Variants in GIMAP8 observed in about 807,000 individuals in gnomAD.
GIMAP8 encodes GTPase, IMAP family member 8, also known as GTPase IMAP family member 8.
A neutral mutation model predicts 35.6 loss-of-function variants in GIMAP8; 29 were observed. The observed-to-expected ratio is 0.81, with a 90% CI of 0.61 to 1.11. The LOEUF is 1.11. Ranked by LOEUF, GIMAP8 falls within the 50% of genes most tolerant of loss-of-function variation. The pLI, the probability that GIMAP8 is intolerant of heterozygous loss-of-function variation, is 0.00. For missense variants in GIMAP8, 811 were observed against 805.0 expected, an observed-to-expected ratio of 1.01 and a Z score of -0.09; for synonymous variants, 335 against 308.7, an observed-to-expected ratio of 1.09 and a Z score of -0.89.
At chr7:150,463,032 A>G (rs981674006) in intron 1 of GIMAP8, among the ~76,000 whole-genome samples, 1 of 152,052 alleles carries the variant, frequency 6.6e-6, no homozygotes, top group Admixed American at 6.5e-5. Flanking sequence ...TTATTCTTAA[A>G]AAAGTTTTTT....
At chr7:150,461,964 G>C (rs944485050) in intron 1 of GIMAP8, among the ~76,000 whole-genome samples, 1 of 152,264 alleles carries the variant, frequency 6.6e-6, no homozygotes, top group Admixed American at 6.5e-5. Context: ...AAAGGAGTCA[G>C]CAAAGGGTGG....
In GIMAP8 at chr7:150,467,006, T is replaced by C; in HGVS notation, c.308T>C (p.Ile103Thr). ...CATGCTCTGCTCTTGGTAATTGCCATCGGCCATTTCACAAGGGAGGATGAG... is the reference window on the plus strand; with the variant it reads ...CATGCTCTGCTCTTGGTAATTGCCACCGGCCATTTCACAAGGGAGGATGAG... ...SLHALLLVIA[I>T]GHFTREDEET... Residue 103 changes from isoleucine to threonine, a missense_variant, in exon 2 of 5, where the codon ATC (isoleucine) becomes ACC (threonine). Coordinates refer to ENST00000307271, the MANE Select transcript of GIMAP8 (RefSeq NM_175571.4). 1 of 1,614,208 alleles carries C rather than the reference T, an allele frequency of 6.2e-7. No individual in the cohort carries two copies. The highest frequency in any genetic ancestry group is 8.5e-7 in the Non-Finnish European group (1 of 1,180,008).
At chr7:150,467,448 A>G (rs936159090) in intron 2 of GIMAP8, 114 bp downstream of exon 2, 1 of 819,694 alleles carries the variant, frequency 1.2e-6, no homozygotes, top group African/African-American at 1.7e-5. Flanking sequence ...GTTTTGTTTA[A>G]TAAGATATTT....
Position 150,477,747 on chromosome 7 carries a change from A to G in GIMAP8, c.1965A>G (p.Lys655=), listed in dbSNP as rs1802273186. The stretch of plus-strand genomic sequence containing the variant: ...TCCAGGAAATGTCCCAAGCCGAAAA[A>G]CTCCTTAAAAATTTAATAGGTATTT... ...KNVQEMSQAE[K]LLKNLIGILQ is the part of the protein sequence containing the mutation. Residue 655 remains lysine, a synonymous_variant, in exon 5 of 5, where the codon AAA becomes AAG. Coordinates refer to ENST00000307271, the MANE Select transcript of GIMAP8 (RefSeq NM_175571.4). 6.2e-7 allele frequency: 1 copy of G among 1,612,328 alleles called. No homozygotes were observed. Among genetic ancestry groups the G allele is most frequent in the South Asian group, 1.1e-5 (1 of 90,972 alleles).
Position 150,477,796 on chromosome 7 carries a change from G to A in GIMAP8, c.*16G>A, listed in dbSNP as rs746028621. 22 of 1,597,674 alleles carry A rather than the reference G, an allele frequency of 1.4e-5. No homozygotes were observed. Among genetic ancestry groups the A allele is most frequent in the Non-Finnish European group, 1.5e-5 (17 of 1,170,100 alleles). ...TTTACAATAGGTAGCCGAAGTGCCT[G>A]GGGTCTCTTCAATTAGAGACACCCT... On this transcript the variant is annotated 3_prime_UTR_variant, in exon 5 of 5. Transcript: ENST00000307271.
At chr7:150,452,675 G>GATATATATATATATATATATATAT (rs373374121) in intron 1 of GIMAP8, among the ~76,000 whole-genome samples, 13 of 79,658 alleles carry the variant, frequency 1.6e-4, no homozygotes, top group African/African-American at 3.2e-4. Flanking sequence ...GTGTGTGTGA[G>GATATATATATATATATATATATAT]ATATATATAT....
chr7:150,463,946 G>A (rs1339084464), intron 1 of GIMAP8, among the ~76,000 whole-genome samples: 1 of 152,150 alleles, frequency 6.6e-6, no homozygotes, highest in Non-Finnish European at 1.5e-5. Flanking sequence ...AGCAGTGGTG[G>A]GCCAGCCCTT....
intron 1 of GIMAP8, among the ~76,000 whole-genome samples, chr7:150,453,711 T>C (rs933779440): frequency 6.6e-6 from 1 of 152,220 alleles, no homozygotes; most frequent in African/African-American, 2.4e-5. Context: ...GTCCTTATTC[T>C]CATGGAACTC....
intron 1 of GIMAP8, among the ~76,000 whole-genome samples, chr7:150,452,793 G>T (rs1801646628): frequency 6.7e-6 from 1 of 148,936 alleles, no homozygotes; most frequent in South Asian, 2.1e-4. Flanking sequence ...TCATCATGTT[G>T]ACCAGGCTGG....
intron 1 of GIMAP8, among the ~76,000 whole-genome samples, chr7:150,463,755 G>C (rs78908230): frequency 0.021 from 3,225 of 152,312 alleles, 99 homozygotes; most frequent in African/African-American, 0.07. Context: ...TGGTGACTAT[G>C]GGCTATGTGG....
At position 150,470,878 on chromosome 7, in the gene GIMAP8, A is replaced by G. The variant is rs1802075774; in HGVS notation, c.682+4A>G. The G allele has an allele frequency of 6.3e-7, 1 of 1,594,710 alleles. No homozygotes were observed. Among genetic ancestry groups the G allele is most frequent in the Non-Finnish European group, 8.6e-7 (1 of 1,163,218 alleles). ...CAAGAGGGAGACAAGCCACAGGGTAAGTTGATCTTTAAGAAACATTAAGCT... is the reference window on the plus strand; with the variant it reads ...CAAGAGGGAGACAAGCCACAGGGTAGGTTGATCTTTAAGAAACATTAAGCT... On this transcript the variant is annotated splice_donor_region_variant and intron_variant, in intron 3 of 4. Coordinates refer to ENST00000307271, the MANE Select transcript of GIMAP8 (RefSeq NM_175571.4).
chr7:150,472,755 T>C lies in GIMAP8; in HGVS notation c.683-1257T>C, dbSNP rs1481136684. Among the ~76,000 whole-genome samples the C allele has an allele frequency of 2.0e-5, 3 of 152,120 alleles. No homozygotes were observed. The highest frequency in any genetic ancestry group is 4.4e-5 in the Non-Finnish European group (3 of 68,018). On this transcript the variant is annotated intron_variant, in intron 3 of 4. Coordinates refer to ENST00000307271, the MANE Select transcript of GIMAP8 (RefSeq NM_175571.4). The surrounding 1 kb of genome is among the most constrained non-coding windows in gnomAD (Gnocchi z 4.1). Reference sequence around the variant, plus strand: ...TTCTCTTGAAGAAGTTATATTTGCATAGGAACCTGAGTAGCCAGCAGGAGA... The same window carrying C: ...TTCTCTTGAAGAAGTTATATTTGCACAGGAACCTGAGTAGCCAGCAGGAGA...
intron 1 of GIMAP8, among the ~76,000 whole-genome samples, chr7:150,460,470 C>T (rs2116593722): frequency 6.6e-6 from 1 of 152,342 alleles, no homozygotes; most frequent in East Asian, 1.9e-4. Flanking sequence ...TATAATTATA[C>T]TTGCCATATC....
At chr7:150,474,759 A>G in intron 4 of GIMAP8, 121 bp downstream of exon 4, 1 of 599,048 alleles carries the variant, frequency 1.7e-6, no homozygotes, top group Non-Finnish European at 2.6e-6. Flanking sequence ...GTTTTAGGGT[A>G]CATGTGCACA....
At chr7:150,461,726 T>C (rs996474012) in intron 1 of GIMAP8, among the ~76,000 whole-genome samples, 4 of 152,244 alleles carry the variant, frequency 2.6e-5, no homozygotes, top group Non-Finnish European at 4.4e-5. Context: ...TTGTTACTGA[T>C]AGATGAACTT....
At chr7:150,474,970 CG>C (rs1285329703) in intron 4 of GIMAP8, among the ~76,000 whole-genome samples, 2 of 151,122 alleles carry the variant, frequency 1.3e-5, no homozygotes, top group Non-Finnish European at 2.9e-5. Flanking sequence ...TGAGAATATG[CG>C]GTGTTTGGTT....
In GIMAP8 at chr7:150,477,767, G is replaced by C; in HGVS notation, c.1985G>C (p.Gly662Ala). The stretch of plus-strand genomic sequence containing the variant: ...GAAAAACTCCTTAAAAATTTAATAG[G>C]TATTTTACAATAGGTAGCCGAAGTG... Reference protein sequence around the residue: ...QAEKLLKNLIGILQ With the variant: ...QAEKLLKNLIAILQ The change falls in exon 5 of 5, where the codon GGT becomes GCT. Residue 662 changes from glycine to alanine, a missense_variant. Gly to Ala is a moderately conservative substitution (Grantham distance 60). Coordinates refer to ENST00000307271, the MANE Select transcript of GIMAP8 (RefSeq NM_175571.4). 6.2e-7 allele frequency: 1 copy of C among 1,612,282 alleles called. No homozygotes were observed.
chr7:150,460,961 A>T (rs975199549), intron 1 of GIMAP8, among the ~76,000 whole-genome samples: 8 of 152,242 alleles, frequency 5.3e-5, no homozygotes, highest in Non-Finnish European at 8.8e-5. Context: ...GTTTCTCAAA[A>T]GGTGACTAGT....
In GIMAP8 at chr7:150,477,920, T is replaced by C. The variant is rs1255422988; in HGVS notation, c.*140T>C. 12 of 633,856 alleles carry C rather than the reference T, an allele frequency of 1.9e-5. No homozygotes were observed. Among genetic ancestry groups the C allele is most frequent in the Non-Finnish European group, 3.3e-5 (12 of 361,700 alleles). 39.3% of individuals were successfully genotyped at this position (633,856 alleles called of 1,614,324 possible). ...GAGGCAAATGCATCCCGCCTTGTGATGTATCAGCTATTTGTAGATAAATAA... is the reference window on the plus strand; with the variant it reads ...GAGGCAAATGCATCCCGCCTTGTGACGTATCAGCTATTTGTAGATAAATAA... On this transcript the variant is annotated 3_prime_UTR_variant, in exon 5 of 5. Coordinates refer to ENST00000307271, the MANE Select transcript of GIMAP8 (RefSeq NM_175571.4).
Sources: gnomAD v4.1 joint callset for allele counts (sites outside exome capture counted in the v4.1 genomes callset) on GRCh38, gnomAD v4.1.1 for gene constraint, Gnocchi (gnomAD v3.1) non-coding constraint, MANE v1.5 for transcripts, NCBI Gene and HGNC (gene_info 2026-07-23, HGNC 2026-07-21) for gene names.